Variants in ZNF124 observed in about 807,000 individuals in gnomAD.
The protein encoded by ZNF124 is zinc finger protein HZF-16.
Under a neutral mutation model 26.6 loss-of-function variants are expected in ZNF124, and 25 were observed. The observed-to-expected ratio is 0.94, with a 90% CI of 0.68 to 1.31. The LOEUF (loss-of-function observed/expected upper bound fraction) is 1.31. Among genes scored for constraint, ZNF124 ranks in the 40% most tolerant of loss-of-function variants. The pLI, the probability that ZNF124 is intolerant of heterozygous loss-of-function variation, is 0.00. For missense variants in ZNF124, 444 were observed against 422.2 expected (o/e 1.05, Z -0.45); for synonymous variants, 129 against 133.3 (o/e 0.97, Z 0.22).
chr1:247,124,616 C>G (rs569370051), intron 3 of ZNF124, among the ~76,000 whole-genome samples: 3 of 152,324 alleles, frequency 2.0e-5, no homozygotes, highest in African/African-American at 4.8e-5. Flanking sequence ...TCCTTTCCCC[C>G]CAGCCTATGC....
chr1:247,156,653 A>G lies in ZNF124; in HGVS notation c.969T>C (p.Cys323=). 3 of 1,610,768 alleles carry G rather than the reference A, an allele frequency of 1.9e-6. No individual in the cohort carries two copies. The highest frequency in any genetic ancestry group is 1.7e-6 in the Non-Finnish European group (2 of 1,178,976). The change falls in exon 4 of 4, where the codon TGT becomes TGC. Residue 323 remains cysteine (C), a synonymous_variant. Transcript: ENST00000543802. Reference sequence around the variant, plus strand: ...TACTAGCACGACTAAAGGCTTTGCCACATTTCTGACATTCATAGGGTTTCT... The same window carrying G: ...TACTAGCACGACTAAAGGCTTTGCCGCATTTCTGACATTCATAGGGTTTCT... ...TGEKPYECQK[C]GKAFSRASTL...
At chr1:247,131,105 A>G (rs1235761166) in intron 3 of ZNF124, among the ~76,000 whole-genome samples, 2 of 152,204 alleles carry the variant, frequency 1.3e-5, no homozygotes, top group South Asian at 2.1e-4. Context: ...AAGCATGTGA[A>G]TCCTTCACCA....
chr1:247,133,816 G>T (rs924708498), intron 3 of ZNF124, among the ~76,000 whole-genome samples: 1 of 151,870 alleles, frequency 6.6e-6, no homozygotes, highest in Admixed American at 6.6e-5. Flanking sequence ...ACCATGCCCG[G>T]CAAGTTTTTT....
chr1:247,156,131 G>T lies in ZNF124; in HGVS notation c.*435C>A. 3.0e-6 allele frequency: 3 copies of T among 987,068 alleles called. No individual in the cohort carries two copies. The highest frequency in any genetic ancestry group is 3.6e-6 in the Non-Finnish European group (3 of 831,140). 61.1% of individuals were successfully genotyped at this position (987,068 alleles called of 1,614,324 possible). On this transcript the variant is annotated 3_prime_UTR_variant, in exon 4 of 4. Coordinates refer to ENST00000543802, the MANE Select transcript of ZNF124 (RefSeq NM_001297568.2). ...TAATTGTTAAAATTCAGAATTTTCT[G>T]TATTTCTAGGATTTCAATCTGGTGG...
intron 3 of ZNF124, among the ~76,000 whole-genome samples, chr1:247,132,383 C>T (rs113013617): frequency 0.051 from 7,742 of 152,268 alleles, 239 homozygotes; most frequent in African/African-American, 0.078. Context: ...TACCTCTTCT[C>T]CTCCAAATGA....
At chr1:247,154,702 T>A (rs1035997949), downstream of ZNF124, among the ~76,000 whole-genome samples, 1 of 152,142 alleles carries the variant, frequency 6.6e-6, no homozygotes, top group Non-Finnish European at 1.5e-5. Context: ...TGTTTTTGCA[T>A]CTAAAAGTCA....
At chr1:247,150,138 T>C (rs1672890088), downstream of ZNF124, among the ~76,000 whole-genome samples, 1 of 152,206 alleles carries the variant, frequency 6.6e-6, no homozygotes, top group South Asian at 2.1e-4. Flanking sequence ...GAGGACAAAC[T>C]TTTAAGTCAC....
intron 3 of ZNF124, among the ~76,000 whole-genome samples, chr1:247,146,841 C>T (rs1305171493): frequency 6.6e-6 from 1 of 152,116 alleles, no homozygotes; most frequent in Admixed American, 6.5e-5. Context: ...GAGTCCCAAG[C>T]CCGAATCTGT....
intron 3 of ZNF124, among the ~76,000 whole-genome samples, chr1:247,141,321 T>G (rs536316440): frequency 6.6e-6 from 1 of 152,182 alleles, no homozygotes; most frequent in South Asian, 2.1e-4. Flanking sequence ...TAGCAAGGCT[T>G]TTGTTTGCTC....
intron 1 of ZNF124, 166 bp from the exon 2 acceptor site, chr1:247,159,979 CTTTTTT>C (rs1212199135): frequency 0.017 from 2,509 of 147,360 alleles, 2 homozygotes; most frequent in South Asian, 0.024. Flanking sequence ...CATAGCAGTT[CTTTTTT>C]TTTTTTTTTT....
intron 3 of ZNF124, among the ~76,000 whole-genome samples, chr1:247,158,585 A>T (rs1673286502): frequency 6.6e-6 from 1 of 152,004 alleles, no homozygotes; most frequent in Non-Finnish European, 1.5e-5. Flanking sequence ...TTTGGTAAAA[A>T]CTTTGAGAAT....
chr1:247,148,892 C>A (rs887736101), intron 3 of ZNF124, among the ~76,000 whole-genome samples: 1 of 151,990 alleles, frequency 6.6e-6, no homozygotes, highest in Non-Finnish European at 1.5e-5. Flanking sequence ...ATGGCGTGAA[C>A]CCAGGAGGTG....
chr1:247,130,806 G>C (rs377210942), intron 3 of ZNF124, among the ~76,000 whole-genome samples: 5 of 152,154 alleles, frequency 3.3e-5, no homozygotes, highest in Non-Finnish European at 7.3e-5. Context: ...GGCCAAGCGC[G>C]GTGGCTCACG....
chr1:247,152,314 A>T (rs1047370731), downstream of ZNF124, among the ~76,000 whole-genome samples: 3 of 149,702 alleles, frequency 2.0e-5, no homozygotes, highest in Non-Finnish European at 4.4e-5. Flanking sequence ...ACAAAATATA[A>T]ATAAATATAA....
intron 1 of ZNF124, among the ~76,000 whole-genome samples, chr1:247,169,329 A>G (rs112193843): frequency 0.011 from 1,626 of 152,232 alleles, 34 homozygotes; most frequent in African/African-American, 0.036. Context: ...TCCCAGCGCA[A>G]TGCACTGTGG....
intron 3 of ZNF124, among the ~76,000 whole-genome samples, chr1:247,145,834 G>A (rs1672761371): frequency 6.6e-6 from 1 of 151,918 alleles, no homozygotes; most frequent in Non-Finnish European, 1.5e-5. Flanking sequence ...TCACCATGTT[G>A]GCCAACTCAA....
intron 3 of ZNF124, chr1:247,123,936 A>T: frequency 1.4e-6 from 1 of 701,482 alleles, no homozygotes; most frequent in Non-Finnish European, 2.6e-6. Flanking sequence ...TCCTGTATTT[A>T]TGCCCTTTGT....
intron 1 of ZNF124, among the ~76,000 whole-genome samples, chr1:247,164,595 A>T (rs143876973): frequency 6.6e-6 from 1 of 152,126 alleles, no homozygotes; most frequent in Non-Finnish European, 1.5e-5. Context: ...CTGGGAAAAA[A>T]AAAACAAAAC....
intron 3 of ZNF124, among the ~76,000 whole-genome samples, chr1:247,140,810 T>G (rs1275409065): frequency 6.6e-6 from 1 of 152,156 alleles, no homozygotes; most frequent in Non-Finnish European, 1.5e-5. Context: ...GTTGGTAGGC[T>G]CTTGCTTGGT....
Sources: gnomAD v4.1 joint callset for allele counts (sites outside exome capture counted in the v4.1 genomes callset) on GRCh38, gnomAD v4.1.1 for gene constraint, MANE v1.5 for transcripts, NCBI Gene and HGNC (gene_info 2026-07-23, HGNC 2026-07-21) for gene names.